GK5: variants seen among roughly 807,000 people sequenced by gnomAD.
GK5 encodes ATP:glycerol 3-phosphotransferase 5.
Under a neutral mutation model 77.3 loss-of-function variants are expected in GK5, and 39 were observed. The ratio of observed to expected loss-of-function variants is 0.50; its 90% CI spans 0.39 to 0.66. The LOEUF (loss-of-function observed/expected upper bound fraction) is 0.66. Among genes scored for constraint, GK5 ranks in the 30% least tolerant of loss-of-function variants. The pLI is 0.00. For synonymous variants in GK5, 211 were observed against 208.0 expected, an observed-to-expected ratio of 1.01 and a Z score of -0.13; for missense variants, 487 against 633.8, an observed-to-expected ratio of 0.77 and a Z score of 2.49.
Position 142,169,662 on chromosome 3 carries a change from T to C in GK5, c.1441+663A>G, listed in dbSNP as rs370870802. On this transcript the variant is annotated intron_variant, in intron 15 of 15. Transcript: ENST00000392993. ...TAGTCCTCCAGAATAAAGCCCACCT[T>C]ACTGTTCTTTTTTTTTTTTTTTTTT... Among the ~76,000 whole-genome samples the C allele has an allele frequency of 6.7e-5, 10 of 149,840 alleles. No individual in the cohort carries two copies. In the East Asian group the frequency reaches 1.2e-3, roughly 18 times the overall value.
At chr3:142,199,885 T>C (rs1460750702) in intron 4 of GK5, among the ~76,000 whole-genome samples, 2 of 152,046 alleles carry the variant, frequency 1.3e-5, no homozygotes, top group Non-Finnish European at 2.9e-5. Flanking sequence ...TTGTTGAACT[T>C]ACCCACTTTT....
chr3:142,184,085 C>T (rs547270881), intron 9 of GK5, among the ~76,000 whole-genome samples: 4 of 150,884 alleles, frequency 2.7e-5, no homozygotes, highest in African/African-American at 9.7e-5. Flanking sequence ...GGTGAAACCC[C>T]ATCTCTACTA....
chr3:142,181,385 C>T (rs2063695281), intron 11 of GK5, 76 bp downstream of exon 11: 1 of 750,926 alleles, frequency 1.3e-6, no homozygotes, highest in Non-Finnish European at 2.2e-6. Flanking sequence ...CATTTGCTTC[C>T]TACTAATCTG....
chr3:142,225,395 C>G lies in GK5; in HGVS notation c.61G>C (p.Val21Leu), dbSNP rs1316325424. The change falls in exon 1 of 16, where the codon GTG becomes CTG. Residue 21 changes from valine to leucine, a missense_variant. Coordinates refer to ENST00000392993, the MANE Select transcript of GK5 (RefSeq NM_001039547.3). The part of the protein sequence containing the change: ...RAQEPRYPGF[V>L]LGLDVGSSVI... ...GAACTGCCCACATCCAGCCCCAGCA[C>G]GAAGCCGGGGTACCGCGGCTCCTGC... 5.0e-6 allele frequency: 8 copies of G among 1,598,622 alleles called. No homozygotes were observed. Among genetic ancestry groups the G allele is most frequent in the Non-Finnish European group, 6.8e-6 (8 of 1,174,564 alleles).
intron 15 of GK5, 58 bp from the exon 16 acceptor site, chr3:142,165,828 T>C: frequency 8.0e-7 from 1 of 1,246,930 alleles, no homozygotes; most frequent in Non-Finnish European, 1.1e-6. Context: ...CAATAAAGTT[T>C]ATCCAAAAAC....
rs138005640 is a variant in GK5 at position 142,213,886 on chromosome 3, A to C, written c.242-285T>G. On this transcript the variant is annotated intron_variant, in intron 2 of 15. Coordinates refer to ENST00000392993, the MANE Select transcript of GK5 (RefSeq NM_001039547.3). Reference sequence around the variant, plus strand: ...TGCCCAGGCTGCAGTGCAGTGGCACAATCTTGGCTCACTGCAATCTCTGCC... The same window carrying C: ...TGCCCAGGCTGCAGTGCAGTGGCACCATCTTGGCTCACTGCAATCTCTGCC... Among the ~76,000 whole-genome samples, 939 of 152,236 alleles carry C rather than the reference A, an allele frequency of 6.2e-3. 4 individuals are homozygous for C. Among genetic ancestry groups the C allele is most frequent in the Non-Finnish European group, 9.3e-3 (633 of 68,008 alleles).
rs537467324 is a variant in GK5 at position 142,189,953 on chromosome 3, T to C, written c.544-2174A>G. On this transcript the variant is annotated intron_variant, in intron 5 of 15. Transcript: ENST00000392993. ...ATATATACACATATATACAAATAAGTAACCAGGCATATGAAGAAACAATAA... is the reference window on the plus strand; with the variant it reads ...ATATATACACATATATACAAATAAGCAACCAGGCATATGAAGAAACAATAA... Among the ~76,000 whole-genome samples, 10 of 151,812 alleles carry C rather than the reference T, an allele frequency of 6.6e-5. No homozygotes were observed. The South Asian group carries it at 2.1e-3, about 32-fold the overall frequency.
At chr3:142,194,160 A>C (rs534833570) in intron 5 of GK5, among the ~76,000 whole-genome samples, 24 of 152,268 alleles carry the variant, frequency 1.6e-4, no homozygotes, top group African/African-American at 5.5e-4. Flanking sequence ...TGGGGTGGGA[A>C]GATTACTTGA....
At chr3:142,185,584 G>T (rs1008557555) in intron 9 of GK5, 5 of 1,085,170 alleles carry the variant, frequency 4.6e-6, no homozygotes, top group Non-Finnish European at 5.6e-6. Context: ...ATAAATATTC[G>T]CCCCATCACT....
At chr3:142,216,738 AC>A (rs1171614245) in intron 1 of GK5, among the ~76,000 whole-genome samples, 1 of 152,200 alleles carries the variant, frequency 6.6e-6, no homozygotes, top group Non-Finnish European at 1.5e-5. Context: ...CCAAAGCTGC[AC>A]TTGCATGGAT....
At chr3:142,177,325 T>C (rs2063630092) in intron 12 of GK5, among the ~76,000 whole-genome samples, 157 bp downstream of exon 12, 1 of 152,208 alleles carries the variant, frequency 6.6e-6, no homozygotes, top group African/African-American at 2.4e-5. Context: ...AATTCATGCT[T>C]GGTCAGAGCA....
chr3:142,221,037 G>A (rs1397237165), intron 1 of GK5, among the ~76,000 whole-genome samples: 5 of 152,042 alleles, frequency 3.3e-5, no homozygotes, highest in African/African-American at 1.2e-4. Context: ...GCAAGGCATG[G>A]TACCAAAAAA....
chr3:142,215,558 A>T, intron 2 of GK5, 41 bp downstream of exon 2: 1 of 1,101,964 alleles, frequency 9.1e-7, no homozygotes, highest in Non-Finnish European at 1.3e-6. Flanking sequence ...TTACAAAAAA[A>T]AAACCATAAA....
At chr3:142,170,562 T>G in intron 14 of GK5, 104 bp from the exon 15 acceptor site, 1 of 945,978 alleles carries the variant, frequency 1.1e-6, no homozygotes, top group Non-Finnish European at 1.6e-6. Flanking sequence ...ATTTTATAAA[T>G]TTTACTTTTT....
At chr3:142,177,857 CTTTTTTTTTTTTT>C (rs370889965) in intron 11 of GK5, among the ~76,000 whole-genome samples, 1 of 128,194 alleles carries the variant, frequency 7.8e-6, no homozygotes, top group Admixed American at 8.1e-5. Context: ...CGTTTTTTTT[CTTTTTTTTTTTTT>C]TTTTTGAGAC....
chr3:142,194,837 C>T (rs988619938), intron 5 of GK5, among the ~76,000 whole-genome samples: 3 of 150,014 alleles, frequency 2.0e-5, no homozygotes, highest in African/African-American at 7.4e-5. Flanking sequence ...AGTTTTACTC[C>T]TTCCTTTCCA....
At chr3:142,204,604 T>C (rs771754919) in intron 4 of GK5, 91 bp downstream of exon 4, 1 of 825,384 alleles carries the variant, frequency 1.2e-6, no homozygotes, top group South Asian at 1.3e-5. Context: ...CTTAATGTCC[T>C]AAAACAAAAT....
chr3:142,194,682 G>A (rs942289391), intron 5 of GK5, among the ~76,000 whole-genome samples: 31 of 151,734 alleles, frequency 2.0e-4, no homozygotes, highest in African/African-American at 7.0e-4. Flanking sequence ...CAGACTCTGT[G>A]TCAAAAAAGA....
rs927593383 is a variant in GK5 at position 142,163,944 on chromosome 3, A to C, written c.*1678T>G. The C allele has an allele frequency of 1.3e-5, 2 of 152,344 alleles. No individual in the cohort carries two copies. The highest frequency in any genetic ancestry group is 4.8e-5 in the African/African-American group (2 of 41,594). The allele number at this position is 152,344 out of a possible 1,614,324, so 9.4% of individuals were successfully genotyped here. On this transcript the variant is annotated 3_prime_UTR_variant, in exon 16 of 16. Transcript: ENST00000392993. ...GATAGGAAAGCTTTAATTGGTGACTAAGCTTTGTAAAAAGGATGTAAACAG... is the reference window on the plus strand; with the variant it reads ...GATAGGAAAGCTTTAATTGGTGACTCAGCTTTGTAAAAAGGATGTAAACAG...
Sources: allele counts gnomAD v4.1 joint callset (sites outside exome capture counted in the v4.1 genomes callset), GRCh38; gene constraint gnomAD v4.1.1; transcripts MANE v1.5; gene names NCBI Gene and HGNC (gene_info 2026-07-23, HGNC 2026-07-21).